The following TMEM132C variants were observed in gnomAD, a reference collection of about 807,000 sequenced individuals.
TMEM132C encodes the protein protein phosphatase 1, regulatory subunit 152.
TMEM132C carries 29 observed loss-of-function variants against 61.4 expected under a neutral mutation model. The ratio of observed to expected loss-of-function variants is 0.47; its 90% CI spans 0.35 to 0.64. The LOEUF (loss-of-function observed/expected upper bound fraction) is 0.64. Ranked by LOEUF, TMEM132C falls within the 30% of genes least tolerant of loss-of-function variation. The probability of loss-of-function intolerance (pLI) is 0.00; values close to 1 mark genes in which losing one functional copy is unlikely to be tolerated. For missense variants in TMEM132C, 1,408 were observed against 1,476.9 expected (o/e 0.95, Z 0.76); for synonymous variants, 656 against 633.1 (o/e 1.04, Z -0.54).
intron 2 of TMEM132C, among the ~76,000 whole-genome samples, chr12:128,483,752 T>C (rs1871392634): frequency 6.6e-6 from 1 of 152,118 alleles, no homozygotes; most frequent in African/African-American, 2.4e-5. Flanking sequence ...TTGTGAAACA[T>C]AGCCATCGTT....
At chr12:128,659,411 G>A (rs576046792) in intron 4 of TMEM132C, among the ~76,000 whole-genome samples, 2 of 152,312 alleles carry the variant, frequency 1.3e-5, no homozygotes, top group East Asian at 3.9e-4. Context: ...TCTGTTCTCA[G>A]CATCTACTTT....
Position 128,658,504 on chromosome 12 carries a change from A to C in TMEM132C, c.1306-10913A>C, listed in dbSNP as rs568285891. On this transcript the variant is annotated intron_variant, in intron 4 of 8. Coordinates refer to ENST00000435159, the MANE Select transcript of TMEM132C (RefSeq NM_001136103.3). ...TGCGCTTCCGCTGAGATAGAGGAAG[A>C]CATGATCTTTTTTTTTTTCCTGTTC... Among the ~76,000 whole-genome samples the C allele has an allele frequency of 1.4e-4, 21 of 151,610 alleles. No individual in the cohort carries two copies. In the South Asian group the frequency reaches 3.3e-3, roughly 24 times the overall value.
rs2136057909 is a variant in TMEM132C, at chr12:128,451,431, T to A, written c.974+35811T>A. Among the ~76,000 whole-genome samples, 6 of 152,302 alleles carry A rather than the reference T, an allele frequency of 3.9e-5. 1 individual carries two copies. In the South Asian group the frequency reaches 1.2e-3, roughly 32 times the overall value. On this transcript the variant is annotated intron_variant, in intron 2 of 8. Transcript: ENST00000435159. ...GAAAATTGATCCTCTTCATCCTTTTTAATTTGTGTGAGTCTCCGCCTGCTA... is the reference window on the plus strand; with the variant it reads ...GAAAATTGATCCTCTTCATCCTTTTAAATTTGTGTGAGTCTCCGCCTGCTA...
chr12:128,393,274 C>T lies in TMEM132C; in HGVS notation c.86-21458C>T, dbSNP rs76137155. 1.2e-3 allele frequency among the ~76,000 whole-genome samples: 187 copies of T among 152,300 alleles called. 4 individuals are homozygous for T. In the East Asian group the frequency reaches 0.031, roughly 25 times the overall value. On this transcript the variant is annotated intron_variant, in intron 1 of 8. Coordinates refer to ENST00000435159, the MANE Select transcript of TMEM132C (RefSeq NM_001136103.3). ...CAGGGCCGTCAAATGTACATGAAGACCAATTGGAAAGTCTCTCCCCACTTT... is the reference window on the plus strand; with the variant it reads ...CAGGGCCGTCAAATGTACATGAAGATCAATTGGAAAGTCTCTCCCCACTTT...
chr12:128,602,135 G>C (rs1307963381), intron 3 of TMEM132C, among the ~76,000 whole-genome samples: 3 of 152,202 alleles, frequency 2.0e-5, no homozygotes, highest in African/African-American at 7.2e-5. Context: ...CTTGAGCCCA[G>C]GAAGTCGAGG....
intron 3 of TMEM132C, 71 bp downstream of exon 3, chr12:128,544,174 C>T: frequency 7.0e-7 from 1 of 1,437,720 alleles, no homozygotes; most frequent in African/African-American, 1.4e-5. Context: ...TGCGTAAGAG[C>T]CTTGACTTGG....
intron 2 of TMEM132C, among the ~76,000 whole-genome samples, chr12:128,456,651 G>A (rs189389467): frequency 1.3e-4 from 19 of 151,678 alleles, no homozygotes; most frequent in South Asian, 2.1e-4. Flanking sequence ...CAAGTGATTC[G>A]CCCACATTGG....
chr12:128,372,183 A>C (rs1196219152), intron 1 of TMEM132C, among the ~76,000 whole-genome samples: 1 of 152,178 alleles, frequency 6.6e-6, no homozygotes. Context: ...TGAGAGATGG[A>C]GAGAAACCAA....
chr12:128,530,164 T>A (rs1295870380), intron 2 of TMEM132C, among the ~76,000 whole-genome samples: 2 of 152,084 alleles, frequency 1.3e-5, no homozygotes, highest in Non-Finnish European at 2.9e-5. Flanking sequence ...GCGTAGACGA[T>A]GCACCCAGGC....
intron 4 of TMEM132C, among the ~76,000 whole-genome samples, chr12:128,639,001 GTGA>G (rs1593129343): frequency 1.5e-4 from 14 of 91,212 alleles, no homozygotes; most frequent in Middle Eastern, 5.4e-3. Flanking sequence ...GGTGATGGTG[GTGA>G]TGATGATGGT....
chr12:128,687,785 A>G (rs1322722839), intron 5 of TMEM132C, among the ~76,000 whole-genome samples: 1 of 152,230 alleles, frequency 6.6e-6, no homozygotes, highest in Non-Finnish European at 1.5e-5. Context: ...TTCAGAGGCA[A>G]CTGTTGAGAA....
At chr12:128,318,921 G>A (rs532509949) in intron 1 of TMEM132C, among the ~76,000 whole-genome samples, 1 of 152,158 alleles carries the variant, frequency 6.6e-6, no homozygotes, top group South Asian at 2.1e-4. Context: ...CCTTGCAGGG[G>A]ATCCTTTCTT....
chr12:128,566,054 T>G (rs1160294864), intron 3 of TMEM132C, among the ~76,000 whole-genome samples: 1 of 152,106 alleles, frequency 6.6e-6, no homozygotes, highest in East Asian at 1.9e-4. Flanking sequence ...CATGCCCAGA[T>G]AGTTTTTGTA....
intron 4 of TMEM132C, among the ~76,000 whole-genome samples, chr12:128,664,015 TACACACAGGCACACGCACCCACACGCAC>T (rs1954427906): frequency 2.6e-5 from 2 of 78,130 alleles, no homozygotes; most frequent in African/African-American, 1.1e-4. Flanking sequence ...CACACACGCA[TACACACAGGCACACGCACCCACACGCAC>T]GCACGCGGGC....
chr12:128,388,618 G>A (rs1373605378), intron 1 of TMEM132C, among the ~76,000 whole-genome samples: 2 of 152,202 alleles, frequency 1.3e-5, no homozygotes, highest in Non-Finnish European at 2.9e-5. Flanking sequence ...ACCAGCACTG[G>A]GCTGGGAGCA....
chr12:128,278,471 A>G lies in TMEM132C; in HGVS notation c.85+10984A>G, dbSNP rs1333371926. 6.6e-6 allele frequency among the ~76,000 whole-genome samples: 1 copy of G among 152,104 alleles called. No homozygotes were observed. Among genetic ancestry groups the G allele is most frequent in the Admixed American group, 6.5e-5 (1 of 15,286 alleles). Reference sequence around the variant, plus strand: ...GATCTCTCACTGCCTTCTCCTGGTCAGTTGTCTCCCTGGCCATGTCCTGGC... The same window carrying G: ...GATCTCTCACTGCCTTCTCCTGGTCGGTTGTCTCCCTGGCCATGTCCTGGC... On this transcript the variant is annotated intron_variant, in intron 1 of 8. Coordinates refer to ENST00000435159, the MANE Select transcript of TMEM132C (RefSeq NM_001136103.3). This position sits in a 1 kb window ranked among gnomAD's most constrained non-coding sequence, Gnocchi z 4.2.
chr12:128,658,431 A>G (rs2398427), intron 4 of TMEM132C, among the ~76,000 whole-genome samples: 113,296 of 152,146 alleles, frequency 0.74, 42,545 homozygotes, highest in East Asian at 0.85. Context: ...GTGCCTTCCC[A>G]CTGTCTCCAG....
At chr12:128,590,707 G>C (rs540229153) in intron 3 of TMEM132C, among the ~76,000 whole-genome samples, 25 of 152,320 alleles carry the variant, frequency 1.6e-4, no homozygotes, top group African/African-American at 5.8e-4. Context: ...GGGGCAAGGG[G>C]TGTAGACATG....
rs182697122 is a variant in TMEM132C, at chr12:128,357,528, C to G, written c.86-57204C>G. 2.5e-3 allele frequency among the ~76,000 whole-genome samples: 380 copies of G among 152,056 alleles called. 1 individual carries two copies. The highest frequency in any genetic ancestry group is 8.8e-3 in the African/African-American group (366 of 41,480). ...TGACGAACATGGTGAAACCCTGTCTCTACTAAAAATACAAAAATTAGCCAG... is the reference window on the plus strand; with the variant it reads ...TGACGAACATGGTGAAACCCTGTCTGTACTAAAAATACAAAAATTAGCCAG... On this transcript the variant is annotated intron_variant, in intron 1 of 8. Transcript: ENST00000435159.
Sources: gnomAD v4.1 joint callset for allele counts (sites outside exome capture counted in the v4.1 genomes callset) on GRCh38, gnomAD v4.1.1 for gene constraint, Gnocchi (gnomAD v3.1) non-coding constraint, MANE v1.5 for transcripts, NCBI Gene and HGNC (gene_info 2026-07-23, HGNC 2026-07-21) for gene names.